OR1J2: variants seen among roughly 807,000 people sequenced by gnomAD.
OR1J2 encodes olfactory receptor 1J2.
For synonymous variants in OR1J2, 142 were observed against 99.7 expected (o/e 1.42, Z -2.52); for missense variants, 304 against 246.1 (o/e 1.24, Z -1.57).
chr9:122,548,154 A>C, the OR1J2 span, among the ~76,000 whole-genome samples: 5 of 152,210 alleles, frequency 3.3e-5, no homozygotes, highest in Admixed American at 1.3e-4. Flanking sequence ...CAGAGCCTTA[A>C]GGAAATGAAG....
downstream of OR1J2, among the ~76,000 whole-genome samples, chr9:122,516,722 G>A (rs867368389): frequency 9.9e-5 from 15 of 152,188 alleles, no homozygotes; most frequent in Admixed American, 3.9e-4. Flanking sequence ...GTTCAGGAAG[G>A]AGTCATCTAA....
the OR1J2 span, among the ~76,000 whole-genome samples, chr9:122,525,229 T>C: frequency 1.3e-5 from 2 of 152,182 alleles, no homozygotes; most frequent in Non-Finnish European, 2.9e-5. Context: ...CGTACTAAGA[T>C]GTGGCATCTA....
the OR1J2 span, among the ~76,000 whole-genome samples, chr9:122,457,489 A>G: frequency 6.6e-6 from 1 of 152,184 alleles, no homozygotes; most frequent in Admixed American, 6.5e-5. Flanking sequence ...TTAGCACATT[A>G]TAATATGAAA....
chr9:122,527,267 T>A, the OR1J2 span: 1 of 1,610,896 alleles, frequency 6.2e-7, no homozygotes, highest in Non-Finnish European at 8.5e-7. Flanking sequence ...GGAGGAAAAA[T>A]TCAGAAATGC....
chr9:122,492,500 T>C, the OR1J2 span, among the ~76,000 whole-genome samples: 1 of 152,148 alleles, frequency 6.6e-6, no homozygotes, highest in Admixed American at 6.5e-5. Flanking sequence ...CTTGTTTTCC[T>C]TTGGATATAT....
the OR1J2 span, among the ~76,000 whole-genome samples, chr9:122,458,445 G>A: frequency 6.6e-6 from 1 of 152,166 alleles, no homozygotes; most frequent in South Asian, 2.1e-4. Flanking sequence ...ACCTAAGACT[G>A]GGTAATTTAT....
the OR1J2 span, among the ~76,000 whole-genome samples, chr9:122,448,217 T>C: frequency 6.6e-6 from 1 of 152,142 alleles, no homozygotes; most frequent in Non-Finnish European, 1.5e-5. Context: ...GTGTCACAAA[T>C]AAATTCAAGG....
the OR1J2 span, among the ~76,000 whole-genome samples, chr9:122,492,956 A>G: frequency 6.6e-6 from 1 of 152,146 alleles, no homozygotes; most frequent in Non-Finnish European, 1.5e-5. Flanking sequence ...TCCTGTGTCT[A>G]TTGAGATCAT....
chr9:122,477,024 T>C, the OR1J2 span: 8 of 1,613,636 alleles, frequency 5.0e-6, no homozygotes, highest in Admixed American at 8.3e-5. Flanking sequence ...AGAGTTTTCT[T>C]AGGGCTCCCT....
chr9:122,472,164 A>C, the OR1J2 span, among the ~76,000 whole-genome samples: 1 of 152,178 alleles, frequency 6.6e-6, no homozygotes, highest in South Asian at 2.1e-4. Context: ...CATGGATACA[A>C]ATGTGTGTTA....
the OR1J2 span, among the ~76,000 whole-genome samples, chr9:122,497,144 C>T: frequency 2.0e-5 from 3 of 152,152 alleles, no homozygotes; most frequent in African/African-American, 7.2e-5. Flanking sequence ...AGAAAGCAAG[C>T]AGACTCACAG....
downstream of OR1J2, among the ~76,000 whole-genome samples, chr9:122,514,048 G>C (rs750543046): frequency 6.6e-6 from 1 of 152,164 alleles, no homozygotes; most frequent in Non-Finnish European, 1.5e-5. Flanking sequence ...AATTATCACA[G>C]AAAATGAAAG....
chr9:122,568,417 G>A, the OR1J2 span: 43 of 1,613,134 alleles, frequency 2.7e-5, no homozygotes, highest in East Asian at 3.3e-4. Flanking sequence ...TCCTCAGGCC[G>A]GGAGGAGAGT....
chr9:122,484,406 T>C, the OR1J2 span, among the ~76,000 whole-genome samples: 1 of 152,076 alleles, frequency 6.6e-6, no homozygotes, highest in East Asian at 1.9e-4. Flanking sequence ...GTGACCTGCC[T>C]GCCTCGGCCT....
chr9:122,507,259 G>A (rs1358840912), upstream of OR1J2, among the ~76,000 whole-genome samples: 1 of 152,174 alleles, frequency 6.6e-6, no homozygotes, highest in East Asian at 1.9e-4. Context: ...GGCACCTGAA[G>A]ATGAAAAGAA....
chr9:122,555,024 G>T, the OR1J2 span, among the ~76,000 whole-genome samples: 2 of 151,970 alleles, frequency 1.3e-5, no homozygotes, highest in Non-Finnish European at 2.9e-5. Context: ...CTTAACAATG[G>T]TTTTCTTTTT....
chr9:122,474,602 T>A, the OR1J2 span, among the ~76,000 whole-genome samples: 1 of 152,320 alleles, frequency 6.6e-6, no homozygotes, highest in Middle Eastern at 3.4e-3. Flanking sequence ...AAAATAGGGC[T>A]GGGAAGGCAT....
At chr9:122,540,584 G>A in the OR1J2 span, among the ~76,000 whole-genome samples, 2 of 152,064 alleles carry the variant, frequency 1.3e-5, no homozygotes, top group African/African-American at 2.4e-5. Context: ...GCTTAGGATT[G>A]ACTTGGCGAT....
the OR1J2 span, among the ~76,000 whole-genome samples, chr9:122,550,132 T>G: frequency 8.5e-5 from 13 of 152,116 alleles, no homozygotes; most frequent in Admixed American, 3.3e-4. Flanking sequence ...CAACTATGAA[T>G]TCACAAATGA....
Sources: allele counts gnomAD v4.1 joint callset (sites outside exome capture counted in the v4.1 genomes callset), GRCh38; gene constraint gnomAD v4.1.1; transcripts MANE v1.5; gene names NCBI Gene and HGNC (gene_info 2026-07-23, HGNC 2026-07-21).